Variants in FGD4 observed in about 807,000 individuals in gnomAD.
FGD4 encodes the protein FYVE, RhoGEF and PH domain-containing protein 4.
In FGD4, 42 loss-of-function variants were observed where a neutral mutation model predicts 102.0. The ratio of observed to expected loss-of-function variants is 0.41; its 90% CI spans 0.32 to 0.53. The LOEUF (loss-of-function observed/expected upper bound fraction) is 0.53, where lower values mean the gene tolerates loss of function less well. FGD4 is among the 20% of genes least tolerant of loss of function. FGD4 has a pLI of 0.21. For synonymous variants in FGD4, 380 were observed against 375.7 expected (o/e 1.01, Z -0.13); for missense variants, 902 against 1,078.2 (o/e 0.84, Z 2.29).
intron 1 of FGD4, among the ~76,000 whole-genome samples, chr12:32,501,240 G>T (rs1938196336): frequency 6.6e-6 from 1 of 152,200 alleles, no homozygotes; most frequent in Non-Finnish European, 1.5e-5. Context: ...ATTTTCTGTG[G>T]AGATAGGGTC....
At chr12:32,565,307 T>G (rs183665865) in intron 2 of FGD4, among the ~76,000 whole-genome samples, 22 of 152,214 alleles carry the variant, frequency 1.4e-4, no homozygotes, top group African/African-American at 5.3e-4. Flanking sequence ...TGTGGTGGTA[T>G]GGAATATCAC....
intron 4 of FGD4, among the ~76,000 whole-genome samples, chr12:32,585,359 G>C (rs1946940389): frequency 6.7e-6 from 1 of 150,362 alleles, no homozygotes; most frequent in Non-Finnish European, 1.5e-5. Context: ...CATAATATAA[G>C]AAAGAAAAAT....
chr12:32,597,236 T>C (rs1256433904), intron 4 of FGD4, among the ~76,000 whole-genome samples: 1 of 152,204 alleles, frequency 6.6e-6, no homozygotes, highest in Non-Finnish European at 1.5e-5. Flanking sequence ...AATATTGTAA[T>C]CAGATCATTT....
At chr12:32,622,954 A>T (rs1316092674) in intron 11 of FGD4, among the ~76,000 whole-genome samples, 1 of 152,196 alleles carries the variant, frequency 6.6e-6, no homozygotes, top group Admixed American at 6.5e-5. Context: ...TGCCATAGGA[A>T]TTATGTGGAA....
chr12:32,538,966 A>T (rs888326973), intron 1 of FGD4, among the ~76,000 whole-genome samples: 2 of 152,156 alleles, frequency 1.3e-5, no homozygotes, highest in Non-Finnish European at 2.9e-5. Context: ...AGGCAGGAGA[A>T]TTGCTTGAAC....
intron 5 of FGD4, 91 bp downstream of exon 5, chr12:32,598,677 G>A: frequency 9.2e-7 from 1 of 1,091,846 alleles, no homozygotes; most frequent in Non-Finnish European, 1.4e-6. Flanking sequence ...CTGCATGAAG[G>A]AAGGGCCTGT....
chr12:32,497,480 T>C (rs886842456), intron 1 of FGD4, among the ~76,000 whole-genome samples: 1 of 152,186 alleles, frequency 6.6e-6, no homozygotes, highest in African/African-American at 2.4e-5. Flanking sequence ...TTATAGATAC[T>C]GTATTTTGTG....
chr12:32,625,661 A>G lies in FGD4; in HGVS notation c.2054A>G (p.Glu685Gly). 2 of 1,614,012 alleles carry G rather than the reference A, an allele frequency of 1.2e-6. No individual in the cohort carries two copies. The highest frequency in any genetic ancestry group is 8.5e-7 in the Non-Finnish European group (1 of 1,179,978). Reference protein sequence around the residue: ...NDIHSEVSTAELGKRAPRWIR... With the variant: ...NDIHSEVSTAGLGKRAPRWIR... ...TCTTTCTTCCCTTTTTAGACTGCTGAGCTAGGGAAAAGAGCCCCAAGATGG... is the reference window on the plus strand; with the variant it reads ...TCTTTCTTCCCTTTTTAGACTGCTGGGCTAGGGAAAAGAGCCCCAAGATGG... Residue 685 changes from glutamate (E) to glycine (G), a missense_variant, in exon 14 of 17, where the codon GAG becomes GGG. This residue lies in a region of FGD4 where 459 missense variants were observed against 619.0 expected (regional missense o/e 0.74). Transcript: ENST00000534526.
chr12:32,639,656 C>T (rs1481930010), intron 16 of FGD4, among the ~76,000 whole-genome samples: 1 of 152,128 alleles, frequency 6.6e-6, no homozygotes, highest in Non-Finnish European at 1.5e-5. Context: ...TTAACAAGAG[C>T]AGCACCAGGT....
At chr12:32,422,980 A>G (rs947962359) in intron 1 of FGD4, among the ~76,000 whole-genome samples, 1 of 152,190 alleles carries the variant, frequency 6.6e-6, no homozygotes, top group Non-Finnish European at 1.5e-5. Flanking sequence ...TCACATGGCT[A>G]GTAGGTGGGG....
At position 32,600,588 on chromosome 12, in the gene FGD4, C is replaced by CTTTTTTTTTTTTTTTTTTT. The variant is rs1245510421; in HGVS notation, c.1102-687_1102-686insTTTTTTTTTTTTTTTTTTT. ...TTTGTTTTTCTTTCTTTCTTTCTTT[C>CTTTTTTTTTTTTTTTTTTT]TTTCTTTTTTTTTTTTTTGTCTTCA... On this transcript the variant is annotated intron_variant, in intron 5 of 16. Transcript: ENST00000534526. 27 of 256,610 alleles carry CTTTTTTTTTTTTTTTTTTT rather than the reference C, an allele frequency of 1.1e-4. 2 individuals are homozygous for CTTTTTTTTTTTTTTTTTTT. Among genetic ancestry groups the CTTTTTTTTTTTTTTTTTTT allele is most frequent in the African/African-American group, 6.8e-4 (19 of 28,132 alleles). 15.9% of individuals were successfully genotyped at this position (256,610 alleles called of 1,614,324 possible). A position where few individuals can be genotyped will look rare whatever the true frequency, so the allele number is the denominator to read the frequency against.
intron 15 of FGD4, among the ~76,000 whole-genome samples, chr12:32,636,318 G>T (rs1038236814): frequency 6.6e-6 from 1 of 151,798 alleles, no homozygotes; most frequent in Admixed American, 6.6e-5. Context: ...TGGATCACCC[G>T]AGGACAGGAG....
chr12:32,578,215 AT>A (rs1049301593), intron 3 of FGD4, among the ~76,000 whole-genome samples: 1 of 152,014 alleles, frequency 6.6e-6, no homozygotes. Flanking sequence ...AAGAAATATT[AT>A]TTGTGGTAGA....
intron 1 of FGD4, among the ~76,000 whole-genome samples, chr12:32,432,687 T>G (rs960270174): frequency 1.3e-5 from 2 of 151,976 alleles, no homozygotes; most frequent in African/African-American, 4.8e-5. Flanking sequence ...GGGTTCTTCA[T>G]CACTTTTTTA....
intron 4 of FGD4, among the ~76,000 whole-genome samples, chr12:32,583,795 C>A (rs79672285): frequency 6.6e-6 from 1 of 152,134 alleles, no homozygotes; most frequent in Admixed American, 6.5e-5. Context: ...AGAAACAGGA[C>A]ATTGCAAAGT....
chr12:32,553,566 T>G (rs1468396810), intron 1 of FGD4, among the ~76,000 whole-genome samples: 1 of 152,232 alleles, frequency 6.6e-6, no homozygotes. Context: ...AAGTTGCCTT[T>G]TTACACTTTG....
chr12:32,529,450 A>G (rs1419278977), intron 1 of FGD4, among the ~76,000 whole-genome samples: 1 of 151,666 alleles, frequency 6.6e-6, no homozygotes, highest in Non-Finnish European at 1.5e-5. Context: ...TTCCTACTCC[A>G]TTTTCTATCT....
At chr12:32,488,926 G>A (rs1460765819) in intron 1 of FGD4, among the ~76,000 whole-genome samples, 1 of 151,574 alleles carries the variant, frequency 6.6e-6, no homozygotes, top group Non-Finnish European at 1.5e-5. Context: ...GTGACAGGGC[G>A]AGACTCTGTC....
chr12:32,525,941 T>C (rs1941120600), intron 1 of FGD4, among the ~76,000 whole-genome samples: 1 of 152,234 alleles, frequency 6.6e-6, no homozygotes, highest in South Asian at 2.1e-4. Flanking sequence ...CAGCCCGCCA[T>C]GCCTGAGCCT....
Sources: allele counts gnomAD v4.1 joint callset (sites outside exome capture counted in the v4.1 genomes callset), GRCh38; gene constraint gnomAD v4.1.1; regional missense constraint gnomAD v4.1.1; transcripts MANE v1.5; gene names NCBI Gene and HGNC (gene_info 2026-07-23, HGNC 2026-07-21).